The following ATG10 variants were observed in gnomAD, a reference collection of about 807,000 sequenced individuals.
ATG10 encodes the protein autophagy related 10.
Under a neutral mutation model 32.1 loss-of-function variants are expected in ATG10, and 30 were observed. The ratio of observed to expected loss-of-function variants is 0.94; its 90% CI spans 0.70 to 1.27. The LOEUF (loss-of-function observed/expected upper bound fraction) is 1.27. Ranked by LOEUF, ATG10 falls within the 50% of genes most tolerant of loss-of-function variation. ATG10 has a pLI of 0.00. For synonymous variants in ATG10, 87 were observed against 91.5 expected (o/e 0.95, Z 0.28); for missense variants, 233 against 262.3 (o/e 0.89, Z 0.77).
At chr5:82,178,676 T>C in intron 5 of ATG10, 89 bp downstream of exon 5, 1 of 863,442 alleles carries the variant, frequency 1.2e-6, no homozygotes. Flanking sequence ...TCCAACTCTT[T>C]TCCCTATTTC....
At chr5:82,128,092 C>G (rs1383393557) in intron 3 of ATG10, among the ~76,000 whole-genome samples, 3 of 152,022 alleles carry the variant, frequency 2.0e-5, no homozygotes, top group Admixed American at 6.6e-5. Context: ...TTATCAGAGA[C>G]TAGAATTGCA....
chr5:81,977,280 A>G (rs1200707499), intron 1 of ATG10, among the ~76,000 whole-genome samples: 2 of 152,228 alleles, frequency 1.3e-5, no homozygotes, highest in African/African-American at 4.8e-5. Context: ...CTGAGGCCCT[A>G]GAGTTAAATT....
intron 2 of ATG10, among the ~76,000 whole-genome samples, chr5:82,032,186 A>C (rs1009020851): frequency 6.6e-6 from 1 of 152,228 alleles, no homozygotes; most frequent in Admixed American, 6.5e-5. Flanking sequence ...ATGATGGTTG[A>C]CTGCCTGTCT....
At chr5:82,174,702 A>C (rs1743942512) in intron 4 of ATG10, among the ~76,000 whole-genome samples, 1 of 152,212 alleles carries the variant, frequency 6.6e-6, no homozygotes, top group South Asian at 2.1e-4. Flanking sequence ...GAATTTGCTG[A>C]ATAATCAGGT....
At chr5:82,182,168 T>G (rs925875465) in intron 5 of ATG10, among the ~76,000 whole-genome samples, 2 of 152,188 alleles carry the variant, frequency 1.3e-5, no homozygotes, top group Non-Finnish European at 2.9e-5. Flanking sequence ...TGTGTGTTTA[T>G]GTGCAGGGTG....
chr5:82,222,555 A>T (rs376554716), intron 5 of ATG10, among the ~76,000 whole-genome samples: 2 of 152,354 alleles, frequency 1.3e-5, no homozygotes, highest in East Asian at 1.9e-4. Flanking sequence ...AATTAACACT[A>T]CTATGTGTTA....
At chr5:82,233,895 G>C (rs938206250) in intron 5 of ATG10, among the ~76,000 whole-genome samples, 1 of 152,082 alleles carries the variant, frequency 6.6e-6, no homozygotes, top group Non-Finnish European at 1.5e-5. Flanking sequence ...TAGTTTTTAC[G>C]TGCCCTTACA....
At chr5:82,183,677 T>G (rs1291145112) in intron 5 of ATG10, among the ~76,000 whole-genome samples, 2 of 152,202 alleles carry the variant, frequency 1.3e-5, no homozygotes, top group South Asian at 2.1e-4. Flanking sequence ...ATTTATTAGT[T>G]GGACTACTTC....
chr5:82,033,038 C>CT, intron 2 of ATG10, among the ~76,000 whole-genome samples: 1 of 151,938 alleles, frequency 6.6e-6, no homozygotes, highest in Non-Finnish European at 1.5e-5. Flanking sequence ...TTCAAGTAGC[C>CT]TTTTTTCATT....
intron 1 of ATG10, among the ~76,000 whole-genome samples, chr5:81,972,920 G>T (rs1760767307): frequency 6.6e-6 from 1 of 152,126 alleles, no homozygotes; most frequent in Admixed American, 6.5e-5. Flanking sequence ...TTTTTTCAGA[G>T]TCAAAATGGA....
intron 3 of ATG10, among the ~76,000 whole-genome samples, chr5:82,063,192 A>G (rs543575109): frequency 5.9e-5 from 9 of 152,132 alleles, no homozygotes; most frequent in African/African-American, 2.2e-4. Context: ...GGTGGCATGC[A>G]CCTGTAGTCC....
intron 1 of ATG10, among the ~76,000 whole-genome samples, chr5:81,974,345 G>A (rs551741544): frequency 8.5e-5 from 13 of 152,240 alleles, no homozygotes; most frequent in African/African-American, 3.1e-4. Flanking sequence ...TGTACCTGAA[G>A]GAATCTTAAT....
At chr5:82,044,546 T>G (rs1158687373) in intron 2 of ATG10, among the ~76,000 whole-genome samples, 2 of 152,170 alleles carry the variant, frequency 1.3e-5, no homozygotes, top group East Asian at 3.8e-4. Flanking sequence ...GTGCTGGATT[T>G]TTTTTTTCAT....
At chr5:82,041,550 A>C (rs1203648592) in intron 2 of ATG10, among the ~76,000 whole-genome samples, 1 of 152,224 alleles carries the variant, frequency 6.6e-6, no homozygotes, top group African/African-American at 2.4e-5. Flanking sequence ...GCTCAAAATT[A>C]AGAAAATAGA....
At chr5:82,115,646 A>C (rs1765782286) in intron 3 of ATG10, among the ~76,000 whole-genome samples, 1 of 152,028 alleles carries the variant, frequency 6.6e-6, no homozygotes, top group African/African-American at 2.4e-5. Context: ...ATACTGTCTC[A>C]TACTTTAAAC....
In ATG10 at chr5:82,252,562, G is replaced by C; in HGVS notation, c.454G>C (p.Glu152Gln). 6.3e-7 allele frequency: 1 copy of C among 1,590,012 alleles called. No individual in the cohort carries two copies. Among genetic ancestry groups the C allele is most frequent in the Non-Finnish European group, 8.6e-7 (1 of 1,160,338 alleles). ...CCTGGACCAATTCTGATTCTTACAG[G>C]AACATCCAATACTTGGGCAACCCTT... ...QGPWDTITQQEHPILGQPFFV... is the reference protein window; with the variant it reads ...QGPWDTITQQQHPILGQPFFV... The change falls in exon 6 of 8, where the codon GAA becomes CAA. Residue 152 changes from glutamate to glutamine, a missense_variant and splice_region_variant. By Grantham distance (29) the Glu-to-Gln change is conservative. Coordinates refer to ENST00000282185, the MANE Select transcript of ATG10 (RefSeq NM_031482.5).
chr5:81,984,293 G>T (rs1031528044), intron 1 of ATG10, among the ~76,000 whole-genome samples: 6 of 152,246 alleles, frequency 3.9e-5, no homozygotes, highest in African/African-American at 1.4e-4. Context: ...CAGGCCTGGC[G>T]GCGCGCGCCT....
At chr5:82,082,151 T>TGGG (rs1202989588) in intron 3 of ATG10, among the ~76,000 whole-genome samples, 1 of 150,212 alleles carries the variant, frequency 6.7e-6, no homozygotes, top group Admixed American at 6.6e-5. Context: ...AGATGAGATT[T>TGGG]GGGGGGGGGG....
At chr5:82,024,537 A>G (rs1355872087) in intron 2 of ATG10, among the ~76,000 whole-genome samples, 1 of 152,146 alleles carries the variant, frequency 6.6e-6, no homozygotes, top group Non-Finnish European at 1.5e-5. Context: ...AGTGTTTTTC[A>G]CAAAAATATG....
Sources: allele counts gnomAD v4.1 joint callset (sites outside exome capture counted in the v4.1 genomes callset), GRCh38; gene constraint gnomAD v4.1.1; transcripts MANE v1.5; gene names NCBI Gene and HGNC (gene_info 2026-07-23, HGNC 2026-07-21).